Variants in ROBO2 observed in about 807,000 individuals in gnomAD.
ROBO2 encodes the protein roundabout guidance receptor 2.
ROBO2 carries 53 observed loss-of-function variants against 160.8 expected under a neutral mutation model. The ratio of observed to expected loss-of-function variants is 0.33; its 90% CI spans 0.26 to 0.41. The LOEUF (loss-of-function observed/expected upper bound fraction) is 0.41, where lower values mean the gene tolerates loss of function less well. Ranked by LOEUF, ROBO2 falls within the 10% of genes least tolerant of loss-of-function variation. ROBO2 has a pLI of 1.00. For synonymous variants in ROBO2, 664 were observed against 611.7 expected, an observed-to-expected ratio of 1.09 and a Z score of -1.26; for missense variants, 1,577 against 1,722.4, an observed-to-expected ratio of 0.92 and a Z score of 1.49.
chr3:77,166,393 T>C (rs772013218), intron 2 of ROBO2, among the ~76,000 whole-genome samples: 19 of 152,234 alleles, frequency 1.2e-4, no homozygotes, highest in Non-Finnish European at 8.8e-5. Flanking sequence ...ATATCCCCAA[T>C]TGATTCAATT....
At chr3:76,989,177 A>G (rs953985482) in intron 2 of ROBO2, among the ~76,000 whole-genome samples, 1 of 152,260 alleles carries the variant, frequency 6.6e-6, no homozygotes, top group African/African-American at 2.4e-5. Context: ...TTAGAAAGGT[A>G]AGTTTCATAG....
chr3:77,097,931 T>C, intron 1 of ROBO2, 83 bp from the exon 2 acceptor site: 1 of 1,206,756 alleles, frequency 8.3e-7, no homozygotes, highest in East Asian at 2.6e-5. Context: ...AAGAGTTTAA[T>C]TTCCCCATCA....
chr3:77,566,919 A>G (rs964872362), intron 12 of ROBO2, among the ~76,000 whole-genome samples: 1 of 152,092 alleles, frequency 6.6e-6, no homozygotes, highest in African/African-American at 2.4e-5. Flanking sequence ...TTTCAAAGGT[A>G]TTAAATAACA....
chr3:76,788,703 T>C (rs1410239377), intron 2 of ROBO2, among the ~76,000 whole-genome samples: 5 of 151,618 alleles, frequency 3.3e-5, no homozygotes, highest in Non-Finnish European at 5.9e-5. Flanking sequence ...AGAAATTTTT[T>C]ATTATTCTTT....
intron 2 of ROBO2, among the ~76,000 whole-genome samples, chr3:77,469,720 T>A (rs2153578993): frequency 6.6e-6 from 1 of 152,318 alleles, no homozygotes; most frequent in South Asian, 2.1e-4. Context: ...CCAAGAGGAT[T>A]CTATTTCTTA....
intron 2 of ROBO2, among the ~76,000 whole-genome samples, chr3:76,290,843 A>G (rs781398546): frequency 3.9e-5 from 6 of 152,080 alleles, no homozygotes. Flanking sequence ...GTGTATGTTG[A>G]ATCAACTTTG....
intron 2 of ROBO2, among the ~76,000 whole-genome samples, chr3:76,601,713 T>C (rs558573994): frequency 6.6e-5 from 10 of 152,320 alleles, no homozygotes; most frequent in African/African-American, 2.4e-4. Context: ...AAGGGGTTGC[T>C]GTGAAGACCT....
intron 2 of ROBO2, among the ~76,000 whole-genome samples, chr3:76,518,209 C>T (rs1033860449): frequency 2.0e-5 from 3 of 152,128 alleles, no homozygotes; most frequent in African/African-American, 7.2e-5. Context: ...GGCATGGAAG[C>T]GCACCAGTAT....
intron 2 of ROBO2, among the ~76,000 whole-genome samples, chr3:77,292,493 C>CTTTA (rs1296333703): frequency 5.3e-5 from 8 of 150,748 alleles, no homozygotes; most frequent in African/African-American, 9.8e-5. Context: ...GGCTAGAGCA[C>CTTTA]TAAAGACATA....
chr3:77,084,065 G>T (rs955903482), intron 1 of ROBO2, among the ~76,000 whole-genome samples: 1 of 151,992 alleles, frequency 6.6e-6, no homozygotes, highest in Non-Finnish European at 1.5e-5. Flanking sequence ...TAACTATTGG[G>T]TCAGAAATTA....
At chr3:77,150,960 T>A (rs2077503505) in intron 2 of ROBO2, among the ~76,000 whole-genome samples, 1 of 152,156 alleles carries the variant, frequency 6.6e-6, no homozygotes, top group South Asian at 2.1e-4. Context: ...GACATAGCAG[T>A]TACCAGTTAG....
chr3:76,659,437 C>G (rs2091724274), intron 2 of ROBO2, among the ~76,000 whole-genome samples: 1 of 151,196 alleles, frequency 6.6e-6, no homozygotes, highest in African/African-American at 2.4e-5. Context: ...AGCTCCACAT[C>G]TGTATTTATT....
chr3:76,830,657 A>G (rs1167611125), intron 2 of ROBO2, among the ~76,000 whole-genome samples: 2 of 151,736 alleles, frequency 1.3e-5, no homozygotes, highest in Non-Finnish European at 2.9e-5. Context: ...TATGTATTCT[A>G]CGTATATTTC....
intron 2 of ROBO2, among the ~76,000 whole-genome samples, chr3:76,808,642 GA>G (rs2064927117): frequency 1.3e-5 from 2 of 152,114 alleles, no homozygotes; most frequent in South Asian, 4.1e-4. Flanking sequence ...ATCATTCTAA[GA>G]AGAATGATTA....
intron 2 of ROBO2, among the ~76,000 whole-genome samples, chr3:76,076,289 T>C (rs886459153): frequency 6.6e-6 from 1 of 152,210 alleles, no homozygotes; most frequent in African/African-American, 2.4e-5. Context: ...TCTAAATAAG[T>C]AACCCAGAAG....
rs557994450 is a variant in ROBO2, at chr3:76,463,123, C to T, written c.109+525521C>T. Among the ~76,000 whole-genome samples the T allele has an allele frequency of 9.9e-5, 15 of 152,218 alleles. No homozygotes were observed. The East Asian group carries it at 1.9e-3, about 20-fold the overall frequency. On this transcript the variant is annotated intron_variant, in intron 2 of 26. Transcript: ENST00000487694. ...CATGGCCTATATCCAAGGCTGCTCC[C>T]GCTGGGAAAACAGTGAAAGCACCTG...
intron 23 of ROBO2, among the ~76,000 whole-genome samples, chr3:77,624,624 C>T (rs2094968669): frequency 6.6e-6 from 1 of 152,120 alleles, no homozygotes; most frequent in African/African-American, 2.4e-5. Context: ...ATAAAACAGG[C>T]ATTATTTCTA....
chr3:76,717,305 A>G (rs1352957063), intron 2 of ROBO2, among the ~76,000 whole-genome samples: 1 of 152,044 alleles, frequency 6.6e-6, no homozygotes, highest in Admixed American at 6.6e-5. Flanking sequence ...CAGACTGGCC[A>G]AGATGGTGAA....
At chr3:77,326,029 C>T (rs1474405417) in intron 2 of ROBO2, among the ~76,000 whole-genome samples, 2 of 152,104 alleles carry the variant, frequency 1.3e-5, no homozygotes, top group African/African-American at 4.8e-5. Context: ...TTTTAGAAAA[C>T]ATTTGCTCAT....
Sources: gnomAD v4.1 joint callset for allele counts (sites outside exome capture counted in the v4.1 genomes callset) on GRCh38, gnomAD v4.1.1 for gene constraint, MANE v1.5 for transcripts, NCBI Gene and HGNC (gene_info 2026-07-23, HGNC 2026-07-21) for gene names.